The following ASXL3 variants were observed in gnomAD, a reference collection of about 807,000 sequenced individuals.
ASXL3 encodes the protein putative Polycomb group protein ASXL3.
Under a neutral mutation model 170.6 loss-of-function variants are expected in ASXL3, and 34 were observed. The observed-to-expected ratio is 0.20, with a 90% CI of 0.15 to 0.27. The LOEUF (loss-of-function observed/expected upper bound fraction) is 0.27. ASXL3 is among the 10% of genes least tolerant of loss of function. ASXL3 has a pLI of 1.00. For synonymous variants in ASXL3, 1,002 were observed against 989.1 expected (o/e 1.01, Z -0.24); for missense variants, 2,592 against 2,695.3 (o/e 0.96, Z 0.85).
At chr18:33,712,378 T>C (rs763046469) in intron 8 of ASXL3, among the ~76,000 whole-genome samples, 1 of 152,204 alleles carries the variant, frequency 6.6e-6, no homozygotes, top group African/African-American at 2.4e-5. Flanking sequence ...CACTTATAAA[T>C]AGATTTTGAC....
At position 33,671,769 on chromosome 18, in the gene ASXL3, A is replaced by C; in HGVS notation, c.618A>C (p.Glu206Asp). ...TAGGATCTGAATCTAAAAATGGTGA[A>C]GCAGACAGTTCAGATAAAGAAATGA... ...SPSGSESKNG[E>D]ADSSDKEMKH... The change falls in exon 7 of 12, where the codon GAA (glutamate) becomes GAC (aspartate). Residue 206 changes from glutamate (E) to aspartate (D), a missense_variant. Glu to Asp is a conservative substitution (Grantham distance 45). This residue lies in a region of ASXL3 where 251 missense variants were observed against 281.9 expected (regional missense o/e 0.89). Coordinates refer to ENST00000269197, the MANE Select transcript of ASXL3 (RefSeq NM_030632.3). 3.7e-6 allele frequency: 6 copies of C among 1,608,778 alleles called. No homozygotes were observed. The highest frequency in any genetic ancestry group is 4.2e-6 in the Non-Finnish European group (5 of 1,176,860).
At chr18:33,669,844 G>A (rs531645399) in intron 5 of ASXL3, among the ~76,000 whole-genome samples, 5 of 152,162 alleles carry the variant, frequency 3.3e-5, no homozygotes, top group South Asian at 2.1e-4. Flanking sequence ...CTTCAGTTTC[G>A]TGTGCTTAAG....
At chr18:33,705,187 A>C (rs957302811) in intron 8 of ASXL3, among the ~76,000 whole-genome samples, 5 of 151,510 alleles carry the variant, frequency 3.3e-5, no homozygotes, top group Non-Finnish European at 7.4e-5. Flanking sequence ...TAAAATATGC[A>C]TGCATAAAAT....
chr18:33,744,944 C>T lies in ASXL3; in HGVS notation c.5096C>T (p.Ala1699Val). ...PELPPPAAEG[A>V]SSVQQTQNMK... ...CTGCCTCCTCCGGCTGCAGAGGGAG[C>T]CTCTAGTGTACAACAAACACAGAAC... Residue 1699 changes from alanine to valine, a missense_variant, in exon 12 of 12, where the codon GCC becomes GTC. By Grantham distance (64) the Ala-to-Val change is moderately conservative. Around this residue, in one of 4 missense-constraint regions of ASXL3, gnomAD observed 2,246 missense variants for 2,219.6 expected, o/e 1.01. Coordinates refer to ENST00000269197, the MANE Select transcript of ASXL3 (RefSeq NM_030632.3). 1.2e-6 allele frequency: 2 copies of T among 1,613,946 alleles called. No homozygotes were observed. Among genetic ancestry groups the T allele is most frequent in the Admixed American group, 1.7e-5 (1 of 60,018 alleles).
chr18:33,730,390 T>A (rs1487960169), intron 8 of ASXL3, among the ~76,000 whole-genome samples: 1 of 152,134 alleles, frequency 6.6e-6, no homozygotes, highest in Non-Finnish European at 1.5e-5. Flanking sequence ...TGCAAGTGGT[T>A]GTTTGGGAAT....
At chr18:33,622,565 G>C (rs1222118144) in intron 2 of ASXL3, among the ~76,000 whole-genome samples, 1 of 152,104 alleles carries the variant, frequency 6.6e-6, no homozygotes, top group Non-Finnish European at 1.5e-5. Flanking sequence ...AGTTCACTTT[G>C]CATGTTGCAG....
chr18:33,685,406 C>T (rs905630967), intron 8 of ASXL3, among the ~76,000 whole-genome samples: 7 of 152,112 alleles, frequency 4.6e-5, no homozygotes, highest in Admixed American at 6.5e-5. Flanking sequence ...ATGATTCTTC[C>T]GTTATAAGCT....
intron 10 of ASXL3, among the ~76,000 whole-genome samples, chr18:33,738,159 G>A (rs760351996): frequency 2.7e-4 from 41 of 150,414 alleles, no homozygotes; most frequent in African/African-American, 9.8e-4. Flanking sequence ...CATAAATTAA[G>A]CATGTTAGTG....
At chr18:33,641,965 A>C (rs1412984971) in intron 2 of ASXL3, 1 of 152,130 alleles carries the variant, frequency 6.6e-6, no homozygotes, top group East Asian at 1.9e-4. Flanking sequence ...CTGTGAAGAA[A>C]ATTTTGTTGA....
In ASXL3 at chr18:33,745,042, G is replaced by A. The variant is rs972120264; in HGVS notation, c.5194G>A (p.Gly1732Ser). 1.2e-6 allele frequency: 2 copies of A among 1,613,882 alleles called. No homozygotes were observed. Among genetic ancestry groups the A allele is most frequent in the Non-Finnish European group, 1.7e-6 (2 of 1,179,898 alleles). The stretch of plus-strand genomic sequence containing the variant: ...TACCGATGCCCTGAAGAGAGTCCCT[G>A]GTGCAGGGAGCTCAGGCTGTCGTCT... ...LATDALKRVP[G>S]AGSSGCRLSS... The change falls in exon 12 of 12, where the codon GGT becomes AGT. Residue 1732 changes from glycine (G) to serine (S), a missense_variant. By Grantham distance (56) the Gly-to-Ser change is moderately conservative. Coordinates refer to ENST00000269197, the MANE Select transcript of ASXL3 (RefSeq NM_030632.3).
At chr18:33,678,245 C>T (rs998483284) in intron 7 of ASXL3, among the ~76,000 whole-genome samples, 1 of 152,122 alleles carries the variant, frequency 6.6e-6, no homozygotes, top group Admixed American at 6.6e-5. Context: ...TTTTCAGAAT[C>T]ATTCCTCTCT....
chr18:33,671,750 C>A lies in ASXL3; in HGVS notation c.599C>A (p.Ser200Tyr). Residue 200 changes from serine (S) to tyrosine (Y), a missense_variant, in exon 7 of 12, where the codon TCT (serine) becomes TAT (tyrosine). Physicochemically the swap from Ser to Tyr is moderately radical, Grantham distance 144. This residue lies in a region of ASXL3 where 251 missense variants were observed against 281.9 expected (regional missense o/e 0.89). Transcript: ENST00000269197. ...TAATAACTATTTCCTTTTTTAGGAT[C>A]TGAATCTAAAAATGGTGAAGCAGAC... is the stretch of plus-strand genomic sequence containing the variant. ...SDEQSDSPSG[S>Y]ESKNGEADSS... 2 of 1,601,050 alleles carry A rather than the reference C, an allele frequency of 1.2e-6. No homozygotes were observed. The highest frequency in any genetic ancestry group is 1.7e-6 in the Non-Finnish European group (2 of 1,173,938).
chr18:33,623,070 A>G (rs2065540736), intron 2 of ASXL3, among the ~76,000 whole-genome samples: 1 of 152,158 alleles, frequency 6.6e-6, no homozygotes, highest in Non-Finnish European at 1.5e-5. Context: ...GACAATGCTG[A>G]GCCTCTAATG....
chr18:33,625,729 A>G (rs1430191599), intron 2 of ASXL3: 1 of 152,114 alleles, frequency 6.6e-6, no homozygotes, highest in African/African-American at 2.4e-5. Context: ...CAGTACACCA[A>G]GTGGATATTT....
At chr18:33,593,388 G>C (rs2065096848) in intron 1 of ASXL3, among the ~76,000 whole-genome samples, 1 of 150,488 alleles carries the variant, frequency 6.6e-6, no homozygotes, top group South Asian at 2.1e-4. Context: ...TGAGGGCTCA[G>C]TTACCCTCGG....
At chr18:33,712,453 T>C (rs1411668077) in intron 8 of ASXL3, among the ~76,000 whole-genome samples, 2 of 152,196 alleles carry the variant, frequency 1.3e-5, no homozygotes, top group South Asian at 2.1e-4. Flanking sequence ...ATTTAGGTTA[T>C]TGGGGAAGGA....
intron 2 of ASXL3, among the ~76,000 whole-genome samples, chr18:33,639,448 A>C (rs751592456): frequency 9.9e-5 from 15 of 152,058 alleles, no homozygotes; most frequent in Non-Finnish European, 2.2e-4. Flanking sequence ...TAGAGGAACA[A>C]TTGTCAGTGT....
intron 2 of ASXL3, chr18:33,614,282 C>T (rs1303425961): frequency 6.6e-6 from 1 of 152,152 alleles, no homozygotes; most frequent in Non-Finnish European, 1.5e-5. Flanking sequence ...ACAGTATCTT[C>T]ACCAGAAGAG....
At chr18:33,738,350 CATAA>C in intron 10 of ASXL3, 133 bp from the exon 11 acceptor site, 1 of 917,812 alleles carries the variant, frequency 1.1e-6, no homozygotes, top group Non-Finnish European at 1.6e-6. Flanking sequence ...AACTGGTTTA[CATAA>C]ATTAAGCATG....
Sources: gnomAD v4.1 joint callset for allele counts (sites outside exome capture counted in the v4.1 genomes callset) on GRCh38, gnomAD v4.1.1 for gene constraint, gnomAD v4.1.1 regional missense constraint, MANE v1.5 for transcripts, NCBI Gene and HGNC (gene_info 2026-07-23, HGNC 2026-07-21) for gene names.